The following RUSC2 variants were observed in gnomAD, a reference collection of about 807,000 sequenced individuals.
RUSC2 encodes the protein RUN and SH3 domain containing 2.
A neutral mutation model predicts 122.2 loss-of-function variants in RUSC2; 34 were observed. That is an observed-to-expected ratio of 0.28 (90% CI 0.21 to 0.37). RUSC2 has a LOEUF of 0.37. Among genes scored for constraint, RUSC2 ranks in the 10% least tolerant of loss-of-function variants. The probability of loss-of-function intolerance (pLI) is 1.00; values close to 1 mark genes in which losing one functional copy is unlikely to be tolerated. For missense variants in RUSC2, 1,747 were observed against 1,952.4 expected, an observed-to-expected ratio of 0.89 and a Z score of 1.98; for synonymous variants, 784 against 790.0, an observed-to-expected ratio of 0.99 and a Z score of 0.13.
At chr9:35,508,835 C>T (rs1360987410) in intron 1 of RUSC2, among the ~76,000 whole-genome samples, 3 of 152,012 alleles carry the variant, frequency 2.0e-5, no homozygotes, top group Admixed American at 6.5e-5. Flanking sequence ...TCAGTGGGGA[C>T]AAAAACAAAA....
intron 1 of RUSC2, among the ~76,000 whole-genome samples, chr9:35,530,074 C>T (rs543963335): frequency 1.2e-3 from 178 of 152,318 alleles, no homozygotes; most frequent in Non-Finnish European, 2.0e-3. Flanking sequence ...ACCTCAGTCT[C>T]CCAAGTAGCT....
intron 1 of RUSC2, among the ~76,000 whole-genome samples, chr9:35,493,790 A>G (rs570395602): frequency 1.3e-5 from 2 of 152,064 alleles, no homozygotes. Flanking sequence ...GGTGTGAGCC[A>G]CTGCACCTGG....
chr9:35,554,362 GAA>G (rs1395906250), intron 2 of RUSC2, among the ~76,000 whole-genome samples: 1 of 152,220 alleles, frequency 6.6e-6, no homozygotes, highest in Non-Finnish European at 1.5e-5. Flanking sequence ...CCAGGATCGT[GAA>G]AAGAGTGGGA....
Position 35,558,580 on chromosome 9 carries a change from A to G in RUSC2, c.3341+13A>G. The G allele has an allele frequency of 6.2e-7, 1 of 1,605,250 alleles. No homozygotes were observed. Among genetic ancestry groups the G allele is most frequent in the Non-Finnish European group, 8.5e-7 (1 of 1,172,008 alleles). On this transcript the variant is annotated intron_variant, in intron 8 of 11. Coordinates refer to ENST00000361226, the MANE Select transcript of RUSC2 (RefSeq NM_014806.5). The surrounding 1 kb of genome is among the most constrained non-coding windows in gnomAD (Gnocchi z 4.3). ...TCGGCCTGCTCAAGTGAGTGCACAG[A>G]GCAGCAAGATCCCCTAAACAACTTG...
chr9:35,508,244 T>A (rs901128412), intron 1 of RUSC2, among the ~76,000 whole-genome samples: 4 of 152,170 alleles, frequency 2.6e-5, no homozygotes, highest in Non-Finnish European at 4.4e-5. Flanking sequence ...AGCTAAGTAA[T>A]CCCTCCCTGG....
At chr9:35,525,246 A>G (rs1268589081) in intron 1 of RUSC2, among the ~76,000 whole-genome samples, 1 of 152,192 alleles carries the variant, frequency 6.6e-6, no homozygotes, top group Non-Finnish European at 1.5e-5. Context: ...AAATAGAAGG[A>G]AGAAGTCTAG....
chr9:35,547,292 T>G lies in RUSC2; in HGVS notation c.771T>G (p.Ser257Arg). 1.2e-6 allele frequency: 2 copies of G among 1,614,118 alleles called. No homozygotes were observed. Among genetic ancestry groups the G allele is most frequent in the Non-Finnish European group, 1.7e-6 (2 of 1,180,014 alleles). ...ACTGCCGCTGCAGTAGCACATCCAG[T>G]CAGTCCGAGGCAGCTGACCAGTCCA... ...DQHCRCSSTS[S>R]QSEAADQSMG... Residue 257 changes from serine to arginine, a missense_variant, in exon 2 of 12, where the codon AGT (serine) becomes AGG (arginine). Physicochemically the swap from Ser to Arg is moderately radical, Grantham distance 110. Coordinates refer to ENST00000361226, the MANE Select transcript of RUSC2 (RefSeq NM_014806.5). The surrounding 1 kb of genome is among the most constrained non-coding windows in gnomAD (Gnocchi z 4.6).
intron 1 of RUSC2, among the ~76,000 whole-genome samples, chr9:35,505,514 A>T (rs1476093473): frequency 6.6e-6 from 1 of 152,204 alleles, no homozygotes; most frequent in African/African-American, 2.4e-5. Context: ...GAGCTCCATT[A>T]TAACAATTAA....
In RUSC2 at chr9:35,560,517, C is replaced by T. The variant is rs1563876680; in HGVS notation, c.3877C>T (p.Arg1293Cys). ...DGSIEGSRFP[R>C]GSSNSSSEKK... is the part of the protein sequence containing the mutation. The stretch of plus-strand genomic sequence containing the variant: ...CTCCATTGAGGGTTCCAGGTTCCCT[C>T]GTGGTAGCAGCAACAGCAGCAGCGA... The change falls in exon 10 of 12, where the codon CGT becomes TGT. Residue 1293 changes from arginine (R) to cysteine (C), a missense_variant. By Grantham distance (180) the Arg-to-Cys change is radical. Transcript: ENST00000361226. 5.6e-6 allele frequency: 9 copies of T among 1,614,114 alleles called. No homozygotes were observed. The highest frequency in any genetic ancestry group is 1.6e-4 in the Middle Eastern group (1 of 6,062).
intron 9 of RUSC2, 91 bp from the exon 10 acceptor site, chr9:35,559,937 TG>T (rs1204160104): frequency 9.3e-6 from 10 of 1,080,228 alleles, no homozygotes; most frequent in South Asian, 1.5e-5. Context: ...CACCGCTGTC[TG>T]CAGCAGCTCT....
In RUSC2 at chr9:35,505,317, T is replaced by C. The variant is rs74764830; in HGVS notation, c.-93+15145T>C. Among the ~76,000 whole-genome samples the C allele has an allele frequency of 4.1e-3, 618 of 152,320 alleles. 7 individuals are homozygous for C. Among genetic ancestry groups the C allele is most frequent in the Non-Finnish European group, 3.8e-3 (260 of 68,026 alleles). On this transcript the variant is annotated intron_variant, in intron 1 of 11. Transcript: ENST00000361226. Reference sequence around the variant, plus strand: ...AGTCTGGGACTGTGGAGCTCAGATCTTTCTGAGGAACTCTTTGTATGCACA... The same window carrying C: ...AGTCTGGGACTGTGGAGCTCAGATCCTTCTGAGGAACTCTTTGTATGCACA...
chr9:35,517,256 A>G (rs776067203), intron 1 of RUSC2, among the ~76,000 whole-genome samples: 2 of 152,262 alleles, frequency 1.3e-5, no homozygotes, highest in Non-Finnish European at 2.9e-5. Flanking sequence ...AACAAAGAAT[A>G]GATTTCTAGT....
At chr9:35,507,632 G>T in intron 1 of RUSC2, 1 of 229,814 alleles carries the variant, frequency 4.4e-6, no homozygotes, top group South Asian at 6.8e-5. Flanking sequence ...TCCACAAAGT[G>T]ACATAGTCCA....
In RUSC2 at chr9:35,556,144, G is replaced by T; in HGVS notation, c.2842+7G>T. On this transcript the variant is annotated splice_region_variant and intron_variant, in intron 4 of 11. Transcript: ENST00000361226. ...CTGAACTGCCGGCTGAATGGTGTGTGAGCAGGGTCCCCAGTACACCCGGGG... is the reference window on the plus strand; with the variant it reads ...CTGAACTGCCGGCTGAATGGTGTGTTAGCAGGGTCCCCAGTACACCCGGGG... 6.2e-7 allele frequency: 1 copy of T among 1,613,874 alleles called. No individual in the cohort carries two copies. The highest frequency in any genetic ancestry group is 8.5e-7 in the Non-Finnish European group (1 of 1,179,830).
In RUSC2 at chr9:35,513,711, A is replaced by T. The variant is rs112595113; in HGVS notation, c.-93+23539A>T. 3.4e-3 allele frequency among the ~76,000 whole-genome samples: 510 copies of T among 151,612 alleles called. 5 individuals are homozygous for T. Among genetic ancestry groups the T allele is most frequent in the African/African-American group, 0.012 (492 of 41,364 alleles). ...ACCAATTCATTACTGAGGGGATTTT[A>T]AAAATATTTTTAAATTTTGGCCAGG... is the stretch of plus-strand genomic sequence containing the variant. On this transcript the variant is annotated intron_variant, in intron 1 of 11. Transcript: ENST00000361226.
At chr9:35,537,532 G>A (rs1821554829) in intron 1 of RUSC2, among the ~76,000 whole-genome samples, 1 of 152,182 alleles carries the variant, frequency 6.6e-6, no homozygotes, top group African/African-American at 2.4e-5. Context: ...AACAAGTCAA[G>A]GCTGGAGATG....
intron 1 of RUSC2, among the ~76,000 whole-genome samples, chr9:35,491,465 T>TATAC (rs1245501931): frequency 6.6e-6 from 1 of 152,222 alleles, no homozygotes; most frequent in Admixed American, 6.5e-5. Context: ...TCCTGCTGTA[T>TATAC]GGCCAGCCAC....
At chr9:35,549,591 C>A (rs530591716) in intron 2 of RUSC2, among the ~76,000 whole-genome samples, 1 of 152,302 alleles carries the variant, frequency 6.6e-6, no homozygotes, top group Non-Finnish European at 1.5e-5. Flanking sequence ...CAGGGAGGAA[C>A]TGCTAATGCA....
At chr9:35,502,216 A>G (rs1056408344) in intron 1 of RUSC2, among the ~76,000 whole-genome samples, 2 of 152,208 alleles carry the variant, frequency 1.3e-5, no homozygotes, top group Non-Finnish European at 2.9e-5. Context: ...TTTGAGTAGC[A>G]TGACTCTTAG....
Sources: gnomAD v4.1 joint callset for allele counts (sites outside exome capture counted in the v4.1 genomes callset) on GRCh38, gnomAD v4.1.1 for gene constraint, Gnocchi (gnomAD v3.1) non-coding constraint, MANE v1.5 for transcripts, NCBI Gene and HGNC (gene_info 2026-07-23, HGNC 2026-07-21) for gene names.